The following MRTFB variants were observed in gnomAD, a reference collection of about 807,000 sequenced individuals.
MRTFB encodes the protein myocardin related transcription factor B, also known as myocardin-related transcription factor B.
In MRTFB, 29 loss-of-function variants were observed where a neutral mutation model predicts 104.2. The ratio of observed to expected loss-of-function variants is 0.28; its 90% confidence interval spans 0.21 to 0.38. The LOEUF (loss-of-function observed/expected upper bound fraction) is 0.38. MRTFB is among the 10% of genes least tolerant of loss of function. The probability of loss-of-function intolerance (pLI) is 1.00; values close to 1 mark genes in which losing one functional copy is unlikely to be tolerated. For missense variants in MRTFB, 1,270 were observed against 1,341.6 expected, an observed-to-expected ratio of 0.95 and a Z score of 0.83; for synonymous variants, 535 against 519.5, an observed-to-expected ratio of 1.03 and a Z score of -0.41.
intron 3 of MRTFB, among the ~76,000 whole-genome samples, chr16:14,184,072 TAA>T (rs71757134): frequency 8.2e-5 from 10 of 121,790 alleles, no homozygotes; most frequent in Admixed American, 3.4e-4. Flanking sequence ...TCCTGAAATT[TAA>T]AAAAAAAAAA....
intron 2 of MRTFB, among the ~76,000 whole-genome samples, chr16:14,119,352 G>T (rs1202769977): frequency 1.3e-5 from 2 of 152,184 alleles, no homozygotes; most frequent in African/African-American, 2.4e-5. Flanking sequence ...CACAAGAGTA[G>T]GTTATAGTTT....
intron 2 of MRTFB, among the ~76,000 whole-genome samples, chr16:14,098,164 A>G (rs1409155624): frequency 6.6e-6 from 1 of 152,174 alleles, no homozygotes; most frequent in African/African-American, 2.4e-5. Flanking sequence ...AGAACTGCCA[A>G]ACTGTTTCCA....
intron 2 of MRTFB, among the ~76,000 whole-genome samples, chr16:14,094,045 A>G (rs1165027539): frequency 6.6e-6 from 1 of 152,232 alleles, no homozygotes; most frequent in South Asian, 2.1e-4. Context: ...TGGAGAAAAA[A>G]GTTACAGTGT....
At chr16:14,032,473 C>T in the MRTFB span, among the ~76,000 whole-genome samples, 2 of 152,096 alleles carry the variant, frequency 1.3e-5, no homozygotes, top group African/African-American at 4.8e-5. Flanking sequence ...AACTTGAATC[C>T]TTTATCATAA....
At chr16:14,044,045 C>A in the MRTFB span, among the ~76,000 whole-genome samples, 11 of 152,326 alleles carry the variant, frequency 7.2e-5, no homozygotes, top group African/African-American at 1.2e-4. Flanking sequence ...ATGACTTCTG[C>A]CATTTAGGTG....
chr16:14,259,935 C>T (rs1020513056), intron 16 of MRTFB, among the ~76,000 whole-genome samples: 1 of 152,148 alleles, frequency 6.6e-6, no homozygotes, highest in Non-Finnish European at 1.5e-5. Flanking sequence ...TTCTCTCAGC[C>T]ATTTGCACAT....
At chr16:14,189,382 A>T (rs2040077752) in intron 3 of MRTFB, among the ~76,000 whole-genome samples, 1 of 152,128 alleles carries the variant, frequency 6.6e-6, no homozygotes, top group South Asian at 2.1e-4. Context: ...GCTTTTAAAT[A>T]TTGGGTCCTG....
chr16:14,249,160 A>G (rs2043149557), intron 13 of MRTFB, 79 bp downstream of exon 13: 3 of 1,502,514 alleles, frequency 2.0e-6, no homozygotes, highest in African/African-American at 1.4e-5. Context: ...GCATCTTTGT[A>G]AACGCCCTGG....
chr16:14,250,343 A>C lies in MRTFB; in HGVS notation c.2403+1262A>C, dbSNP rs998993403. Among the ~76,000 whole-genome samples, 3 of 152,232 alleles carry C rather than the reference A, an allele frequency of 2.0e-5. No individual in the cohort carries two copies. In the East Asian group the frequency reaches 5.8e-4, roughly 29 times the overall value. ...TAGAACGTGTTAAGTATTTTTGAGC[A>C]AACCAAGTTCTATGAAATACAGTTA... On this transcript the variant is annotated intron_variant, in intron 13 of 16. Coordinates refer to ENST00000571589, the MANE Select transcript of MRTFB (RefSeq NM_001308142.2).
At chr16:14,050,775 T>A in the MRTFB span, among the ~76,000 whole-genome samples, 1 of 152,026 alleles carries the variant, frequency 6.6e-6, no homozygotes. Flanking sequence ...AAAATGGAGA[T>A]AACACAGCGT....
chr16:14,227,981 T>C (rs1459581023), intron 8 of MRTFB, among the ~76,000 whole-genome samples: 7 of 149,550 alleles, frequency 4.7e-5, no homozygotes, highest in Non-Finnish European at 8.9e-5. Flanking sequence ...GCAAAGGACT[T>C]GAATAGACAT....
At chr16:14,141,106 T>C in intron 3 of MRTFB, 1 of 204,080 alleles carries the variant, frequency 4.9e-6, no homozygotes, top group Non-Finnish European at 9.9e-6. Context: ...GACTGCATTC[T>C]CCTCCCACTT....
chr16:14,188,093 G>T (rs1254751542), intron 3 of MRTFB, among the ~76,000 whole-genome samples: 3 of 152,124 alleles, frequency 2.0e-5, no homozygotes, highest in Non-Finnish European at 4.4e-5. Context: ...CTTGGGTATG[G>T]GCAGGAAAAA....
chr16:14,196,721 G>T (rs566960955), intron 3 of MRTFB, among the ~76,000 whole-genome samples: 74 of 152,182 alleles, frequency 4.9e-4, no homozygotes, highest in Non-Finnish European at 8.8e-4. Flanking sequence ...GTGGAGCTCT[G>T]CTTTTGTTTC....
intron 9 of MRTFB, among the ~76,000 whole-genome samples, chr16:14,235,261 T>C (rs149680146): frequency 0.011 from 1,736 of 152,322 alleles, 36 homozygotes; most frequent in African/African-American, 0.038. Flanking sequence ...TGGCCGAGTA[T>C]TGGTGGCTTC....
chr16:14,086,045 G>C (rs542054850), intron 2 of MRTFB, among the ~76,000 whole-genome samples: 10 of 152,242 alleles, frequency 6.6e-5, no homozygotes, highest in Admixed American at 5.2e-4. Flanking sequence ...GTTATTTGAA[G>C]ACAAAGCTAA....
rs1329554573 is a variant in MRTFB at position 14,195,110 on chromosome 16, C to T, written c.155-15133C>T. On this transcript the variant is annotated intron_variant, in intron 3 of 16. Coordinates refer to ENST00000571589, the MANE Select transcript of MRTFB (RefSeq NM_001308142.2). ...CATCTGCTAGAGTTGCCCTTTTTCT[C>T]GTTTATTTGAATCTAAACAGTAGAG... 2.0e-5 allele frequency among the ~76,000 whole-genome samples: 3 copies of T among 152,158 alleles called. No homozygotes were observed. In the East Asian group the frequency reaches 5.8e-4, roughly 29 times the overall value.
intron 2 of MRTFB, among the ~76,000 whole-genome samples, chr16:14,112,983 G>T (rs1181066978): frequency 2.6e-5 from 4 of 151,994 alleles, no homozygotes; most frequent in Admixed American, 2.6e-4. Flanking sequence ...TTACTTATTG[G>T]TATATTACAC....
At chr16:14,137,655 A>G (rs923862021) in intron 2 of MRTFB, among the ~76,000 whole-genome samples, 8 of 152,252 alleles carry the variant, frequency 5.3e-5, no homozygotes, top group African/African-American at 1.9e-4. Context: ...AAGTAATTTG[A>G]CATGCAGATT....
Sources: gnomAD v4.1 joint callset for allele counts (sites outside exome capture counted in the v4.1 genomes callset) on GRCh38, gnomAD v4.1.1 for gene constraint, MANE v1.5 for transcripts, NCBI Gene and HGNC (gene_info 2026-07-23, HGNC 2026-07-21) for gene names.